The following PXDNL variants were observed in gnomAD, a reference collection of about 807,000 sequenced individuals.
The protein encoded by PXDNL is peroxidasin like.
Under a neutral mutation model 150.8 loss-of-function variants are expected in PXDNL, and 145 were observed. The ratio of observed to expected loss-of-function variants is 0.96; its 90% confidence interval spans 0.84 to 1.10. The LOEUF (loss-of-function observed/expected upper bound fraction) is 1.10. Among genes scored for constraint, PXDNL ranks in the 50% least tolerant of loss-of-function variants. PXDNL has a pLI of 0.00. For synonymous variants in PXDNL, 757 were observed against 725.7 expected, an observed-to-expected ratio of 1.04 and a Z score of -0.69; for missense variants, 2,087 against 1,873.9, an observed-to-expected ratio of 1.11 and a Z score of -2.10.
At chr8:51,647,386 G>C (rs1814941933) in intron 2 of PXDNL, among the ~76,000 whole-genome samples, 1 of 152,170 alleles carries the variant, frequency 6.6e-6, no homozygotes, top group Non-Finnish European at 1.5e-5. Flanking sequence ...TCTCAGAGAA[G>C]GTGAGTGATG....
chr8:51,339,860 G>T, intron 20 of PXDNL, 107 bp from the exon 21 acceptor site: 1 of 1,065,740 alleles, frequency 9.4e-7, no homozygotes, highest in Non-Finnish European at 1.3e-6. Flanking sequence ...AAGGCATTGT[G>T]ATTGGTGTTC....
At chr8:51,748,524 C>G (rs1381200747) in intron 1 of PXDNL, among the ~76,000 whole-genome samples, 1 of 152,150 alleles carries the variant, frequency 6.6e-6, no homozygotes, top group East Asian at 1.9e-4. Flanking sequence ...ACACCCGGTC[C>G]CAGCTGGAGC....
rs548966656 is a variant in PXDNL at position 51,520,980 on chromosome 8, G to C, written c.381-21210C>G. ...CTCATGACTGTAATCCCAGCACTTC[G>C]GCTGGGTGGGAGGAGGCGGAGTTGG... On this transcript the variant is annotated intron_variant, in intron 4 of 22. Coordinates refer to ENST00000356297, the MANE Select transcript of PXDNL (RefSeq NM_144651.5). Among the ~76,000 whole-genome samples the C allele has an allele frequency of 5.3e-4, 80 of 152,238 alleles. 1 individual carries two copies. The highest frequency in any genetic ancestry group is 9.4e-4 in the Non-Finnish European group (64 of 68,024).
At position 51,409,406 on chromosome 8, in the gene PXDNL, G is replaced by A. The variant is rs201280324; in HGVS notation, c.2218C>T (p.Pro740Ser). ...HDGTCNNLQQ[P>S]TWGAALTAFA... ...GCGGTCAGCGCCGCGCCCCACGTGG[G>A]CTGCTGCAGGTTGTTGCACGTGCCG... The change falls in exon 17 of 23, where the codon CCC becomes TCC. Residue 740 changes from proline to serine, a missense_variant. Physicochemically the swap from Pro to Ser is moderately conservative, Grantham distance 74. Coordinates refer to ENST00000356297, the MANE Select transcript of PXDNL (RefSeq NM_144651.5). 11,053 of 1,610,734 alleles carry A rather than the reference G, an allele frequency of 6.9e-3. 55 individuals are homozygous for A. Among genetic ancestry groups the A allele is most frequent in the Non-Finnish European group, 8.5e-3 (9,993 of 1,179,046 alleles).
rs1163594556 is a variant in PXDNL, at chr8:51,577,947, GAAAGAAAGAAAGAAAGAA to G, written c.308+14662_308+14679del. 1.0e-3 allele frequency among the ~76,000 whole-genome samples: 77 copies of G among 76,784 alleles called. 1 individual carries two copies. The highest frequency in any genetic ancestry group is 7.6e-3 in the Middle Eastern group (1 of 132). 50.4% of individuals were successfully genotyped at this position (76,784 alleles called of 152,430 possible). ...GAAAAGAAAGAAAGAAAGAAAGAAA[GAAAGAAAGAAAGAAAGAA>G]AGAAAGAAAGAAAGAAAGAAAGAAA... On this transcript the variant is annotated intron_variant, in intron 3 of 22. Coordinates refer to ENST00000356297, the MANE Select transcript of PXDNL (RefSeq NM_144651.5).
At chr8:51,434,476 G>A (rs1563410752) in intron 12 of PXDNL, among the ~76,000 whole-genome samples, 1 of 152,160 alleles carries the variant, frequency 6.6e-6, no homozygotes, top group Non-Finnish European at 1.5e-5. Context: ...TAGATGAGGA[G>A]CATCTTTTCC....
In PXDNL at chr8:51,577,969, A is replaced by AAG. The variant is rs1813102968; in HGVS notation, c.308+14656_308+14657dup. 3.8e-5 allele frequency among the ~76,000 whole-genome samples: 4 copies of AAG among 106,328 alleles called. 1 individual carries two copies. The highest frequency in any genetic ancestry group is 1.5e-4 in the African/African-American group (4 of 27,076). 69.8% of individuals were successfully genotyped at this position (106,328 alleles called of 152,430 possible). On this transcript the variant is annotated intron_variant, in intron 3 of 22. Transcript: ENST00000356297. ...AAAGAAAGAAAGAAAGAAAGAAAGA[A>AAG]AGAAAGAAAGAAAGAAAGAAAGAAA...
At chr8:51,691,588 C>A (rs1816000042) in intron 1 of PXDNL, among the ~76,000 whole-genome samples, 1 of 149,844 alleles carries the variant, frequency 6.7e-6, no homozygotes, top group Admixed American at 6.6e-5. Flanking sequence ...AAAAAAAAAA[C>A]ACCTAAATAT....
intron 1 of PXDNL, among the ~76,000 whole-genome samples, chr8:51,718,374 G>A (rs924063060): frequency 4.0e-4 from 61 of 152,236 alleles, no homozygotes; most frequent in African/African-American, 1.2e-3. Flanking sequence ...AATGGGGAGC[G>A]CCAATGTCTT....
rs1811651691 is a variant in PXDNL at position 51,521,007 on chromosome 8, AGGATT to A, written c.381-21242_381-21238del. On this transcript the variant is annotated intron_variant, in intron 4 of 22. Transcript: ENST00000356297. ...CTGGGTGGGAGGAGGCGGAGTTGGG[AGGATT>A]GCTAGACGCCAGGAGTTTGACACCA... Among the ~76,000 whole-genome samples, 3 of 152,250 alleles carry A rather than the reference AGGATT, an allele frequency of 2.0e-5. No homozygotes were observed. The South Asian group carries it at 6.2e-4, about 32-fold the overall frequency.
intron 19 of PXDNL, among the ~76,000 whole-genome samples, chr8:51,350,356 T>TTA (rs1326323910): frequency 1.6e-5 from 2 of 127,656 alleles, no homozygotes; most frequent in African/African-American, 3.8e-5. Context: ...TGCAGCTTCT[T>TTA]TTTTTTTTTT....
At chr8:51,573,806 G>A (rs1450929225) in intron 3 of PXDNL, among the ~76,000 whole-genome samples, 1 of 151,904 alleles carries the variant, frequency 6.6e-6, no homozygotes, top group Admixed American at 6.6e-5. Context: ...GAATGTGACT[G>A]TATTTGAAGA....
At chr8:51,487,838 G>A (rs1810800191) in intron 5 of PXDNL, among the ~76,000 whole-genome samples, 1 of 152,124 alleles carries the variant, frequency 6.6e-6, no homozygotes, top group South Asian at 2.1e-4. Flanking sequence ...TCCTATCCAG[G>A]TGTTAGAGGT....
At chr8:51,320,922 A>C (rs771582296) in intron 21 of PXDNL, 25 bp from the exon 22 acceptor site, 2 of 1,563,470 alleles carry the variant, frequency 1.3e-6, no homozygotes, top group Non-Finnish European at 1.8e-6. Context: ...AAAGGAAAGA[A>C]GAGTGGAAAT....
Position 51,423,728 on chromosome 8 carries a change from C to T in PXDNL, c.1642G>A (p.Gly548Ser). ...PQPIITWNKE[G>S]VQITESGKFH... is the part of the protein sequence containing the mutation. ...TTACCACTCTCAGTAATCTGCACAC[C>T]TTCCTAGGGAGCAAAAAAGAGTTGC... The change falls in exon 14 of 23, where the codon GGT becomes AGT. Residue 548 changes from glycine to serine, a missense_variant. Gly to Ser is a moderately conservative substitution (Grantham distance 56). Transcript: ENST00000356297. 6.2e-7 allele frequency: 1 copy of T among 1,608,002 alleles called. No homozygotes were observed. Among genetic ancestry groups the T allele is most frequent in the Non-Finnish European group, 8.5e-7 (1 of 1,177,658 alleles).
At chr8:51,447,946 C>A (rs1809715494) in intron 11 of PXDNL, among the ~76,000 whole-genome samples, 1 of 152,152 alleles carries the variant, frequency 6.6e-6, no homozygotes, top group African/African-American at 2.4e-5. Flanking sequence ...AAGACTCTGG[C>A]AAACAGCAGT....
chr8:51,571,610 A>G (rs911929217), intron 3 of PXDNL, among the ~76,000 whole-genome samples: 2 of 151,860 alleles, frequency 1.3e-5, no homozygotes, highest in African/African-American at 2.4e-5. Context: ...TGAACTAAAA[A>G]ACACATTTTT....
intron 1 of PXDNL, among the ~76,000 whole-genome samples, chr8:51,701,808 T>C (rs576818185): frequency 0.027 from 1,105 of 41,162 alleles, 18 homozygotes; most frequent in Non-Finnish European, 0.019. Flanking sequence ...ACAAGATTTT[T>C]CAGACATTTT....
At chr8:51,612,037 G>A (rs1814017237) in intron 2 of PXDNL, among the ~76,000 whole-genome samples, 1 of 152,162 alleles carries the variant, frequency 6.6e-6, no homozygotes, top group African/African-American at 2.4e-5. Context: ...AAAGCACTGG[G>A]GACTCAAGAG....
Sources: gnomAD v4.1 joint callset for allele counts (sites outside exome capture counted in the v4.1 genomes callset) on GRCh38, gnomAD v4.1.1 for gene constraint, MANE v1.5 for transcripts, NCBI Gene and HGNC (gene_info 2026-07-23, HGNC 2026-07-21) for gene names.